The following PPP6R2 variants were observed in gnomAD, a reference collection of about 807,000 sequenced individuals.
PPP6R2 encodes protein phosphatase 6 regulatory subunit 2.
Under a neutral mutation model 100.2 loss-of-function variants are expected in PPP6R2, and 62 were observed. The observed-to-expected ratio is 0.62, with a 90% CI of 0.50 to 0.76. PPP6R2 has a LOEUF of 0.76. Among genes scored for constraint, PPP6R2 ranks in the 30% least tolerant of loss-of-function variants. PPP6R2 has a pLI of 0.00. For synonymous variants in PPP6R2, 525 were observed against 514.7 expected, an observed-to-expected ratio of 1.02 and a Z score of -0.27; for missense variants, 1,142 against 1,276.3, an observed-to-expected ratio of 0.89 and a Z score of 1.60.
intron 21 of PPP6R2, 123 bp from the exon 22 acceptor site, chr22:50,440,699 A>C (rs1425400105): frequency 9.0e-7 from 1 of 1,116,262 alleles, no homozygotes; most frequent in African/African-American, 1.5e-5. Context: ...CCACACAGGC[A>C]CATGTGTGCA....
At chr22:50,413,557 G>A (rs751559567) in intron 4 of PPP6R2, among the ~76,000 whole-genome samples, 18 of 152,132 alleles carry the variant, frequency 1.2e-4, no homozygotes, top group South Asian at 2.1e-4. Context: ...GATCTTTGGC[G>A]ATGCCCCTTG....
upstream of PPP6R2, among the ~76,000 whole-genome samples, chr22:50,338,913 AGT>A (rs374870650): frequency 0.18 from 12,496 of 71,374 alleles, 2,434 homozygotes; most frequent in African/African-American, 0.49. Flanking sequence ...TGTGTGTGGT[AGT>A]GTGTGTGGTA....
rs192454588 is a variant in PPP6R2, at chr22:50,431,019, C to G, written c.1126-154C>G. On this transcript the variant is annotated intron_variant, in intron 10 of 23. Transcript: ENST00000612753. This position sits in a 1 kb window ranked among gnomAD's most constrained non-coding sequence, Gnocchi z 4.8. The stretch of plus-strand genomic sequence containing the variant: ...AGCTCCGTAATAGAGAGATGACCCT[C>G]AGGAAAACGCTTAAAACTCCTTCCT... 1.5e-3 allele frequency among the ~76,000 whole-genome samples: 235 copies of G among 152,266 alleles called. 1 individual carries two copies. Among genetic ancestry groups the G allele is most frequent in the African/African-American group, 5.4e-3 (224 of 41,550 alleles).
At chr22:50,369,605 CA>C (rs2049545698) in intron 1 of PPP6R2, among the ~76,000 whole-genome samples, 1 of 152,118 alleles carries the variant, frequency 6.6e-6, no homozygotes, top group African/African-American at 2.4e-5. Context: ...CCTCTGCCTC[CA>C]GGGTTCAAGC....
chr22:50,406,578 T>A, intron 3 of PPP6R2, 111 bp from the exon 4 acceptor site: 1 of 956,154 alleles, frequency 1.0e-6, no homozygotes, highest in Non-Finnish European at 1.6e-6. Flanking sequence ...AGGTCTGTAG[T>A]GTTTGTTTGA....
At chr22:50,411,212 G>C (rs985722577) in intron 4 of PPP6R2, among the ~76,000 whole-genome samples, 2 of 152,222 alleles carry the variant, frequency 1.3e-5, no homozygotes, top group African/African-American at 4.8e-5. Flanking sequence ...CCAACACTTT[G>C]GGAGGCCGAG....
chr22:50,428,009 C>A (rs1035604886), intron 10 of PPP6R2, among the ~76,000 whole-genome samples: 1 of 151,276 alleles, frequency 6.6e-6, no homozygotes, highest in East Asian at 1.9e-4. Context: ...CGTGAGCCAC[C>A]ACGCCCAGCC....
chr22:50,401,728 C>T (rs886522621), intron 3 of PPP6R2, among the ~76,000 whole-genome samples: 5 of 151,284 alleles, frequency 3.3e-5, no homozygotes, highest in African/African-American at 1.2e-4. Flanking sequence ...CTGTAAGCTT[C>T]GCCTCCTGGG....
chr22:50,441,351 C>T (rs1297597461), intron 22 of PPP6R2, among the ~76,000 whole-genome samples: 1 of 152,238 alleles, frequency 6.6e-6, no homozygotes, highest in Admixed American at 6.5e-5. Context: ...GCAGCCCCTA[C>T]CCCAGATCCC....
Position 50,422,435 on chromosome 22 carries a change from A to G in PPP6R2, c.972+55A>G, listed in dbSNP as rs375833410. On this transcript the variant is annotated intron_variant, in intron 9 of 23. Transcript: ENST00000612753. ...TTTGGAGGCGTCGCAGGAGAGGTTG[A>G]TTTGCAGGGAGGAGAAGCCACAGCT... 448 of 1,596,978 alleles carry G rather than the reference A, an allele frequency of 2.8e-4. No individual in the cohort carries two copies. In the African/African-American group the frequency reaches 5.4e-3, roughly 19 times the overall value.
intron 4 of PPP6R2, among the ~76,000 whole-genome samples, chr22:50,413,976 C>G (rs1226385345): frequency 1.3e-5 from 2 of 152,184 alleles, no homozygotes; most frequent in Non-Finnish European, 2.9e-5. Flanking sequence ...GGTGCTGTGC[C>G]CCCCCATGGC....
the PPP6R2 span, among the ~76,000 whole-genome samples, chr22:50,334,304 G>A: frequency 6.6e-6 from 1 of 152,232 alleles, no homozygotes; most frequent in Admixed American, 6.5e-5. Flanking sequence ...GAGTCCTCTA[G>A]AGGCCCTGTC....
At chr22:50,403,906 C>T (rs1197999740) in intron 3 of PPP6R2, among the ~76,000 whole-genome samples, 1 of 152,130 alleles carries the variant, frequency 6.6e-6, no homozygotes, top group Non-Finnish European at 1.5e-5. Context: ...CCTATAGAGT[C>T]TCTCAAACCC....
At chr22:50,346,286 C>A in intron 1 of PPP6R2, among the ~76,000 whole-genome samples, 1 of 44,028 alleles carries the variant, frequency 2.3e-5, no homozygotes. Flanking sequence ...CCAGTCAGTG[C>A]CCCCTTCAGT....
At position 50,435,100 on chromosome 22, in the gene PPP6R2, C is replaced by G; in HGVS notation, c.1516+19C>G. On this transcript the variant is annotated intron_variant, in intron 13 of 23. Coordinates refer to ENST00000612753, the MANE Select transcript of PPP6R2 (RefSeq NM_001242898.2). ...ATCCGAGGTGAGCCCCCAACCCGGT[C>G]ATCCTTCTGCTGGTCGCGGGCACCG... 1 of 1,503,702 alleles carries G rather than the reference C, an allele frequency of 6.7e-7. No individual in the cohort carries two copies. Among genetic ancestry groups the G allele is most frequent in the Non-Finnish European group, 8.9e-7 (1 of 1,124,986 alleles). 93.1% of individuals were successfully genotyped at this position (1,503,702 alleles called of 1,614,324 possible).
At chr22:50,353,945 A>G (rs75041198) in intron 1 of PPP6R2, among the ~76,000 whole-genome samples, 1,636 of 152,218 alleles carry the variant, frequency 0.011, 19 homozygotes, top group Non-Finnish European at 0.018. Flanking sequence ...AATTGTAACG[A>G]TAACTGATTA....
intron 10 of PPP6R2, among the ~76,000 whole-genome samples, chr22:50,425,825 G>A (rs765499715): frequency 2.0e-5 from 3 of 150,832 alleles, no homozygotes; most frequent in South Asian, 4.2e-4. Context: ...GAATAGCTTC[G>A]TTGGAGAAAT....
upstream of PPP6R2, among the ~76,000 whole-genome samples, chr22:50,339,828 AGTGTGTGTG>A (rs1164553683): frequency 3.1e-4 from 5 of 15,942 alleles, no homozygotes; most frequent in Non-Finnish European, 5.1e-4. Flanking sequence ...TGGGGTATGT[AGTGTGTGTG>A]GTGTGTGGTG....
chr22:50,334,302 T>C, the PPP6R2 span, among the ~76,000 whole-genome samples: 1 of 152,238 alleles, frequency 6.6e-6, no homozygotes. Flanking sequence ...AGGAGTCCTC[T>C]AGAGGCCCTG....
Sources: allele counts gnomAD v4.1 joint callset (sites outside exome capture counted in the v4.1 genomes callset), GRCh38; gene constraint gnomAD v4.1.1; non-coding constraint Gnocchi (gnomAD v3.1); transcripts MANE v1.5; gene names NCBI Gene and HGNC (gene_info 2026-07-23, HGNC 2026-07-21).